CADPS: variants seen among roughly 807,000 people sequenced by gnomAD.
CADPS encodes calcium-dependent secretion activator 1.
CADPS carries 57 observed loss-of-function variants against 167.3 expected under a neutral mutation model. That is an observed-to-expected ratio of 0.34 (90% CI 0.28 to 0.42). The LOEUF (loss-of-function observed/expected upper bound fraction) is 0.42. CADPS is among the 20% of genes least tolerant of loss of function. The probability of loss-of-function intolerance (pLI) is 1.00; values close to 1 mark genes in which losing one functional copy is unlikely to be tolerated. For missense variants in CADPS, 1,414 were observed against 1,738.1 expected (o/e 0.81, Z 3.32); for synonymous variants, 676 against 635.3 (o/e 1.06, Z -0.96).
intron 1 of CADPS, among the ~76,000 whole-genome samples, chr3:62,767,674 A>G (rs2152516413): frequency 6.6e-6 from 1 of 152,306 alleles, no homozygotes; most frequent in South Asian, 2.1e-4. Flanking sequence ...GTTGGGGAAT[A>G]GTGAAGTCAA....
intron 3 of CADPS, among the ~76,000 whole-genome samples, chr3:62,666,759 G>A (rs1355651745): frequency 1.3e-5 from 2 of 152,154 alleles, no homozygotes; most frequent in Non-Finnish European, 2.9e-5. Context: ...AAGTCCACCA[G>A]AGACAATTGT....
At chr3:62,767,868 A>G (rs998576361) in intron 1 of CADPS, among the ~76,000 whole-genome samples, 5 of 152,220 alleles carry the variant, frequency 3.3e-5, no homozygotes, top group African/African-American at 4.8e-5. Flanking sequence ...ATAACGTTTC[A>G]ACATGTAATC....
chr3:62,573,295 C>G (rs67801338), intron 8 of CADPS, among the ~76,000 whole-genome samples: 1 of 151,914 alleles, frequency 6.6e-6, no homozygotes, highest in Non-Finnish European at 1.5e-5. Flanking sequence ...TTTTTTATTA[C>G]GGTATTTTTA....
intron 3 of CADPS, among the ~76,000 whole-genome samples, chr3:62,721,136 A>ATTTTTTT (rs1564299437): frequency 6.9e-5 from 5 of 72,684 alleles, no homozygotes; most frequent in African/African-American, 3.4e-4. Flanking sequence ...TTTTTTTTTA[A>ATTTTTTT]AAAAAAAAAG....
At chr3:62,672,632 T>G (rs2075727519) in intron 3 of CADPS, among the ~76,000 whole-genome samples, 1 of 152,138 alleles carries the variant, frequency 6.6e-6, no homozygotes, top group Non-Finnish European at 1.5e-5. Context: ...GTCATCATTC[T>G]TTTCCCCCTG....
Position 62,474,193 on chromosome 3 carries a change from T to C in CADPS, c.3457A>G (p.Ser1153Gly). The C allele has an allele frequency of 8.6e-7, 1 of 1,156,414 alleles. No homozygotes were observed. Among genetic ancestry groups the C allele is most frequent in the South Asian group, 1.4e-5 (1 of 71,534 alleles). The allele number at this position is 1,156,414 out of a possible 1,614,324, so 71.6% of individuals were successfully genotyped here. ...DAKAQSTKLCSMEMGQEHQYH... is the reference protein window; with the variant it reads ...DAKAQSTKLCGMEMGQEHQYH... The stretch of plus-strand genomic sequence containing the variant: ...TTTACCTCTTGGCCCATTTCCATGC[T>C]GCAAAGTTTTGTTGATTGAGCTTTG... The change falls in exon 24 of 30, where the codon AGC (serine) becomes GGC (glycine). Residue 1153 changes from serine to glycine, a missense_variant. Around this residue, in one of 6 missense-constraint regions of CADPS, gnomAD observed 19 missense variants for 49.4 expected, o/e 0.38. Transcript: ENST00000383710.
chr3:62,484,955 C>T (rs1477372805), intron 21 of CADPS, among the ~76,000 whole-genome samples: 1 of 152,088 alleles, frequency 6.6e-6, no homozygotes, highest in East Asian at 1.9e-4. Flanking sequence ...GTTCTTAGGT[C>T]TAATCCCTAC....
In CADPS at chr3:62,433,181, G is replaced by A. The variant is rs760530816; in HGVS notation, c.3777+4923C>T. On this transcript the variant is annotated intron_variant, in intron 28 of 29. Transcript: ENST00000383710. This position sits in a 1 kb window ranked among gnomAD's most constrained non-coding sequence, Gnocchi z 4.7. ...AATTTAATAAGGTTGTTAAAATAAG[G>A]GTATCTGTGGTTTCATATATAAATA... Among the ~76,000 whole-genome samples, 1 of 151,970 alleles carries A rather than the reference G, an allele frequency of 6.6e-6. No individual in the cohort carries two copies.
At position 62,446,281 on chromosome 3, in the gene CADPS, G is replaced by T. The variant is rs1359549248; in HGVS notation, c.3637-484C>A. 6.6e-6 allele frequency among the ~76,000 whole-genome samples: 1 copy of T among 152,172 alleles called. No individual in the cohort carries two copies. The highest frequency in any genetic ancestry group is 2.4e-5 in the African/African-American group (1 of 41,450). Reference sequence around the variant, plus strand: ...GACATCCTCAACCCAGAGGGAGATGGTGTCTGCGGGTAGGGGGATGAGAAC... The same window carrying T: ...GACATCCTCAACCCAGAGGGAGATGTTGTCTGCGGGTAGGGGGATGAGAAC... On this transcript the variant is annotated intron_variant, in intron 26 of 29. Coordinates refer to ENST00000383710, the MANE Select transcript of CADPS (RefSeq NM_003716.4). The surrounding 1 kb of genome is among the most constrained non-coding windows in gnomAD (Gnocchi z 4.9).
intron 3 of CADPS, among the ~76,000 whole-genome samples, chr3:62,662,838 G>A (rs184425019): frequency 9.9e-4 from 151 of 152,296 alleles, no homozygotes; most frequent in Non-Finnish European, 1.4e-3. Context: ...TCTGGACCAT[G>A]GAGGATTAAT....
chr3:62,684,965 T>C (rs966734834), intron 3 of CADPS, among the ~76,000 whole-genome samples: 1 of 152,044 alleles, frequency 6.6e-6, no homozygotes, highest in Non-Finnish European at 1.5e-5. Flanking sequence ...TATGGCAGGT[T>C]AAGATTATGC....
intron 4 of CADPS, among the ~76,000 whole-genome samples, chr3:62,653,896 C>G (rs534798880): frequency 4.6e-4 from 70 of 152,096 alleles, no homozygotes; most frequent in Non-Finnish European, 8.4e-4. Flanking sequence ...GCTTTTAAGA[C>G]TGGGCTAAGC....
At chr3:62,624,501 T>A (rs1976645) in intron 6 of CADPS, among the ~76,000 whole-genome samples, 137,915 of 151,754 alleles carry the variant, frequency 0.91, 63,375 homozygotes, top group East Asian at 1. Flanking sequence ...ATATTTTTTT[T>A]AAAAAAACCT....
chr3:62,711,372 C>T (rs1036516050), intron 3 of CADPS, among the ~76,000 whole-genome samples: 3 of 152,186 alleles, frequency 2.0e-5, no homozygotes, highest in South Asian at 2.1e-4. Context: ...TGGTTTGTTG[C>T]CTACATTCAT....
Position 62,592,496 on chromosome 3 carries a change from T to C in CADPS, c.1437+141A>G, listed in dbSNP as rs150641696. 3,189 of 628,826 alleles carry C rather than the reference T, an allele frequency of 5.1e-3. 51 individuals are homozygous for C. Among genetic ancestry groups the C allele is most frequent in the Middle Eastern group, 0.024 (84 of 3,546 alleles). 39.0% of individuals were successfully genotyped at this position (628,826 alleles called of 1,614,324 possible). A position where few individuals can be genotyped will look rare whatever the true frequency, so the allele number is the denominator to read the frequency against. On this transcript the variant is annotated intron_variant, in intron 7 of 29. Coordinates refer to ENST00000383710, the MANE Select transcript of CADPS (RefSeq NM_003716.4). ...AACTTGCTTAAGGTCACCCAGCCAATGTAGAGTGGAGTCCAGGACTTAATG... is the reference window on the plus strand; with the variant it reads ...AACTTGCTTAAGGTCACCCAGCCAACGTAGAGTGGAGTCCAGGACTTAATG...
chr3:62,512,788 C>G lies in CADPS; in HGVS notation c.2582-20G>C, dbSNP rs1472485168. ...GATTCTCTATTTGAAAGAGAGAGCA[C>G]AACAAGGAGAGAAGAGAGAGAAACA... is the stretch of plus-strand genomic sequence containing the variant. On this transcript the variant is annotated intron_variant, in intron 16 of 29. Coordinates refer to ENST00000383710, the MANE Select transcript of CADPS (RefSeq NM_003716.4). 1 of 1,600,624 alleles carries G rather than the reference C, an allele frequency of 6.2e-7. No individual in the cohort carries two copies. Among genetic ancestry groups the G allele is most frequent in the Non-Finnish European group, 8.5e-7 (1 of 1,171,476 alleles).
In CADPS at chr3:62,432,720, C is replaced by T. The variant is rs555461653; in HGVS notation, c.3777+5384G>A. Among the ~76,000 whole-genome samples, 41 of 152,228 alleles carry T rather than the reference C, an allele frequency of 2.7e-4. No homozygotes were observed. In the South Asian group the frequency reaches 8.5e-3, roughly 32 times the overall value. On this transcript the variant is annotated intron_variant, in intron 28 of 29. Coordinates refer to ENST00000383710, the MANE Select transcript of CADPS (RefSeq NM_003716.4). The stretch of plus-strand genomic sequence containing the variant: ...CTCATAATAACTCCACGATTATCAT[C>T]CCTGTTATATAGATGAATCAGCTGA...
chr3:62,793,067 C>T (rs1513143), intron 1 of CADPS, among the ~76,000 whole-genome samples: 53,805 of 152,022 alleles, frequency 0.35, 11,323 homozygotes, highest in East Asian at 0.83. Flanking sequence ...AATGAATGAC[C>T]GTTTAAAAAA....
At chr3:62,756,603 C>T (rs868363437) in intron 2 of CADPS, among the ~76,000 whole-genome samples, 30 of 152,112 alleles carry the variant, frequency 2.0e-4, no homozygotes, top group Admixed American at 1.6e-3. Flanking sequence ...AATATGATTA[C>T]GATCTGGAAC....
Sources: allele counts gnomAD v4.1 joint callset (sites outside exome capture counted in the v4.1 genomes callset), GRCh38; gene constraint gnomAD v4.1.1; regional missense constraint gnomAD v4.1.1; non-coding constraint Gnocchi (gnomAD v3.1); transcripts MANE v1.5; gene names NCBI Gene and HGNC (gene_info 2026-07-23, HGNC 2026-07-21).